The following SCGB1D2 variants were observed in gnomAD, a reference collection of about 807,000 sequenced individuals.
SCGB1D2 encodes the protein lipophilin-B.
Under a neutral mutation model 10.5 loss-of-function variants are expected in SCGB1D2, and 10 were observed. That is an observed-to-expected ratio of 0.95 (90% CI 0.59 to 1.61). The LOEUF (loss-of-function observed/expected upper bound fraction) is 1.61, where lower values mean the gene tolerates loss of function less well. SCGB1D2 is among the 40% of genes most tolerant of loss of function. The pLI, the probability that SCGB1D2 is intolerant of heterozygous loss-of-function variation, is 0.00. For synonymous variants in SCGB1D2, 42 were observed against 42.8 expected (o/e 0.98, Z 0.08); for missense variants, 113 against 103.8 (o/e 1.09, Z -0.38).
rs189227523 is a variant in SCGB1D2, at chr11:62,243,335, C to T, written c.102C>T (p.Phe34=). Residue 34 remains phenylalanine, a synonymous_variant, in exon 2 of 3, where the codon TTC becomes TTT. Coordinates refer to ENST00000244926, the MANE Select transcript of SCGB1D2 (RefSeq NM_006551.4). The part of the protein sequence containing the change: ...CPALVSELLD[F]FFISEPLFKL... ...CTCTTGTTTCTGAGCTGTTAGACTT[C>T]TTCTTCATTAGTGAACCTCTGTTCA... 6.2e-7 allele frequency: 1 copy of T among 1,614,016 alleles called. No individual in the cohort carries two copies. Among genetic ancestry groups the T allele is most frequent in the Admixed American group, 1.7e-5 (1 of 60,024 alleles).
At chr11:62,242,383 T>G (rs1189423146) in intron 1 of SCGB1D2, 21 bp downstream of exon 1, 1 of 1,613,208 alleles carries the variant, frequency 6.2e-7, no homozygotes, top group African/African-American at 1.3e-5. Context: ...CAGTCATGAG[T>G]CTAGCTCCAG....
At position 62,243,358 on chromosome 11, in the gene SCGB1D2, T is replaced by G. The variant is rs1945079756; in HGVS notation, c.125T>G (p.Phe42Cys). ...LDFFFISEPL[F>C]KLSLAKFDAP... ...TTCTTCTTCATTAGTGAACCTCTGT[T>G]CAAGTTAAGTCTTGCCAAATTTGAT... is the stretch of plus-strand genomic sequence containing the variant. Residue 42 changes from phenylalanine to cysteine, a missense_variant, in exon 2 of 3, where the codon TTC becomes TGC. Phe to Cys is a radical substitution (Grantham distance 205). Coordinates refer to ENST00000244926, the MANE Select transcript of SCGB1D2 (RefSeq NM_006551.4). 1 of 1,614,086 alleles carries G rather than the reference T, an allele frequency of 6.2e-7. No individual in the cohort carries two copies. The highest frequency in any genetic ancestry group is 8.5e-7 in the Non-Finnish European group (1 of 1,179,916).
rs1179234994 is a variant in SCGB1D2 at position 62,243,494 on chromosome 11, TA to T, written c.243+19del. Reference sequence around the variant, plus strand: ...AAGTCCTGGTAACTTCTTTCTCCTTTATTTGTTAAGGCTTCTGGTCAGCTGC... The same window carrying T: ...AAGTCCTGGTAACTTCTTTCTCCTTTTTTGTTAAGGCTTCTGGTCAGCTGC... On this transcript the variant is annotated intron_variant, in intron 2 of 2. Coordinates refer to ENST00000244926, the MANE Select transcript of SCGB1D2 (RefSeq NM_006551.4). 6.2e-7 allele frequency: 1 copy of T among 1,601,516 alleles called. No homozygotes were observed. Among genetic ancestry groups the T allele is most frequent in the African/African-American group, 1.3e-5 (1 of 74,612 alleles).
chr11:62,243,319 C>CT lies in SCGB1D2; in HGVS notation c.87dup (p.Glu30Ter). The CT allele has an allele frequency of 6.2e-7, 1 of 1,613,874 alleles. No individual in the cohort carries two copies. Among genetic ancestry groups the CT allele is most frequent in the Non-Finnish European group, 8.5e-7 (1 of 1,179,830 alleles). On this transcript the variant is annotated frameshift_variant, in exon 2 of 3. Transcript: ENST00000244926. LOFTEE classifies it high-confidence loss of function. ...GCCGAGTTCTGCCCAGCTCTTGTTT[C>CT]TGAGCTGTTAGACTTCTTCTTCATT...
chr11:62,243,466 C>T lies in SCGB1D2; in HGVS notation c.233C>T (p.Ala78Val), dbSNP rs373290916. 6.9e-5 allele frequency: 112 copies of T among 1,612,368 alleles called. No homozygotes were observed. Among genetic ancestry groups the T allele is most frequent in the South Asian group, 5.3e-4 (48 of 90,758 alleles). Reference sequence around the variant, plus strand: ...TCCCTTCAGAAACGAAGCCTCATTGCGGAAGTCCTGGTAACTTCTTTCTCC... The same window carrying T: ...TCCCTTCAGAAACGAAGCCTCATTGTGGAAGTCCTGGTAACTTCTTTCTCC... ...QMSLQKRSLI[A>V]EVLVKILKKC... The change falls in exon 2 of 3, where the codon GCG becomes GTG. Residue 78 changes from alanine (A) to valine (V), a missense_variant. Transcript: ENST00000244926.
chr11:62,244,449 T>C (rs1040117106), intron 2 of SCGB1D2, among the ~76,000 whole-genome samples: 1 of 152,138 alleles, frequency 6.6e-6, no homozygotes, highest in Non-Finnish European at 1.5e-5. Context: ...CATTCCCGGA[T>C]CACCCCAGGG....
chr11:62,244,634 A>G, intron 2 of SCGB1D2, 36 bp from the exon 3 acceptor site: 1 of 1,604,554 alleles, frequency 6.2e-7, no homozygotes, highest in Non-Finnish European at 8.5e-7. Context: ...CAGCAGCATG[A>G]CTGACCCCAC....
rs1945095344 is a variant in SCGB1D2 at position 62,244,770 on chromosome 11, G to T, written c.*71G>T. The T allele has an allele frequency of 1.3e-5, 17 of 1,293,210 alleles. No homozygotes were observed. The highest frequency in any genetic ancestry group is 1.1e-4 in the South Asian group (9 of 81,480). 80.1% of individuals were successfully genotyped at this position (1,293,210 alleles called of 1,614,324 possible). A position where few individuals can be genotyped will look rare whatever the true frequency, so the allele number is the denominator to read the frequency against. On this transcript the variant is annotated 3_prime_UTR_variant, in exon 3 of 3. Coordinates refer to ENST00000244926, the MANE Select transcript of SCGB1D2 (RefSeq NM_006551.4). ...CCTGATCTTCACTGCAGAATGTAAA[G>T]GTTTCAACGTCTTGCTTTAATAAAT...
Position 62,242,320 on chromosome 11 carries a change from G to C in SCGB1D2, c.13G>C (p.Val5Leu). Reference sequence around the variant, plus strand: ...AAAACAAGCCACCATGAAGCTGTCGGTGTGTCTCCTGCTGGTCACGCTGGC... The same window carrying C: ...AAAACAAGCCACCATGAAGCTGTCGCTGTGTCTCCTGCTGGTCACGCTGGC... Reference protein sequence around the residue: MKLSVCLLLVTLALC... With the variant: MKLSLCLLLVTLALC... The change falls in exon 1 of 3, where the codon GTG becomes CTG. Residue 5 changes from valine (V) to leucine (L), a missense_variant. Transcript: ENST00000244926. 3.1e-6 allele frequency: 5 copies of C among 1,614,126 alleles called. No homozygotes were observed. The highest frequency in any genetic ancestry group is 4.2e-6 in the Non-Finnish European group (5 of 1,179,998).
In SCGB1D2 at chr11:62,242,327, T is replaced by C. The variant is rs759156393; in HGVS notation, c.20T>C (p.Leu7Pro). ...GCCACCATGAAGCTGTCGGTGTGTC[T>C]CCTGCTGGTCACGCTGGCCCTCTGC... Reference protein sequence around the residue: MKLSVCLLLVTLALCCY... With the variant: MKLSVCPLLVTLALCCY... Residue 7 changes from leucine to proline, a missense_variant, in exon 1 of 3, where the codon CTC becomes CCC. Coordinates refer to ENST00000244926, the MANE Select transcript of SCGB1D2 (RefSeq NM_006551.4). 3.1e-6 allele frequency: 5 copies of C among 1,614,082 alleles called. No individual in the cohort carries two copies. Among genetic ancestry groups the C allele is most frequent in the Non-Finnish European group, 3.4e-6 (4 of 1,179,980 alleles).
chr11:62,242,271 G>A lies in SCGB1D2; in HGVS notation c.-37G>A. On this transcript the variant is annotated 5_prime_UTR_variant, in exon 1 of 3. Coordinates refer to ENST00000244926, the MANE Select transcript of SCGB1D2 (RefSeq NM_006551.4). The stretch of plus-strand genomic sequence containing the variant: ...TGGGGTGGAGTCCAAATCACTCATT[G>A]TTTGTGAAAGCTGAGCTCACAGCAA... 6.2e-7 allele frequency: 1 copy of A among 1,612,650 alleles called. No homozygotes were observed. Among genetic ancestry groups the A allele is most frequent in the Non-Finnish European group, 8.5e-7 (1 of 1,178,850 alleles).
chr11:62,243,393 G>C lies in SCGB1D2; in HGVS notation c.160G>C (p.Glu54Gln). The C allele has an allele frequency of 6.2e-7, 1 of 1,614,102 alleles. No homozygotes were observed. Among genetic ancestry groups the C allele is most frequent in the Non-Finnish European group, 8.5e-7 (1 of 1,179,978 alleles). Residue 54 changes from glutamate to glutamine, a missense_variant, in exon 2 of 3, where the codon GAA (glutamate) becomes CAA (glutamine). By Grantham distance (29) the Glu-to-Gln change is conservative. Transcript: ENST00000244926. ...TCTTGCCAAATTTGATGCCCCTCCG[G>C]AAGCTGTTGCAGCCAAGTTAGGAGT... ...LSLAKFDAPP[E>Q]AVAAKLGVKR...
chr11:62,243,564 G>C, intron 2 of SCGB1D2, 88 bp downstream of exon 2: 3 of 1,169,490 alleles, frequency 2.6e-6, no homozygotes, highest in Non-Finnish European at 3.6e-6. Context: ...TGGGGACACA[G>C]GTGGTGGGGC....
intron 1 of SCGB1D2, 146 bp downstream of exon 1, chr11:62,242,508 C>G: frequency 1.4e-6 from 1 of 725,742 alleles, no homozygotes. Context: ...AGCCCCTCAT[C>G]AAGTTCAGAG....
At chr11:62,243,577 C>G in intron 2 of SCGB1D2, 101 bp downstream of exon 2, 1 of 1,023,862 alleles carries the variant, frequency 9.8e-7, no homozygotes, top group Non-Finnish European at 1.4e-6. Flanking sequence ...GGTGGGGCAG[C>G]TGCCTTGCTG....
chr11:62,244,475 G>C (rs1945092340), intron 2 of SCGB1D2, among the ~76,000 whole-genome samples, 195 bp from the exon 3 acceptor site: 1 of 152,124 alleles, frequency 6.6e-6, no homozygotes, highest in Non-Finnish European at 1.5e-5. Context: ...GGCCTGGCAA[G>C]AAAAGGCTGC....
At chr11:62,242,837 T>C (rs1391002833) in intron 1 of SCGB1D2, among the ~76,000 whole-genome samples, 1 of 152,212 alleles carries the variant, frequency 6.6e-6, no homozygotes, top group Non-Finnish European at 1.5e-5. Flanking sequence ...CCTGTAATCC[T>C]AGCACTTTGG....
chr11:62,243,662 C>T (rs1319726134), intron 2 of SCGB1D2, among the ~76,000 whole-genome samples, 186 bp downstream of exon 2: 1 of 152,180 alleles, frequency 6.6e-6, no homozygotes, highest in African/African-American at 2.4e-5. Context: ...AACTCAGCTG[C>T]ACACAGCCTC....
At position 62,244,748 on chromosome 11, in the gene SCGB1D2, G is replaced by A. The variant is rs751277443; in HGVS notation, c.*49G>A. On this transcript the variant is annotated 3_prime_UTR_variant, in exon 3 of 3. Coordinates refer to ENST00000244926, the MANE Select transcript of SCGB1D2 (RefSeq NM_006551.4). ...TTCCACTGTCTTTCAATGACACCCT[G>A]ATCTTCACTGCAGAATGTAAAGGTT... 3 of 1,459,952 alleles carry A rather than the reference G, an allele frequency of 2.1e-6. No homozygotes were observed. The highest frequency in any genetic ancestry group is 1.7e-5 in the Admixed American group (1 of 59,324). 90.4% of individuals were successfully genotyped at this position (1,459,952 alleles called of 1,614,324 possible). A position where few individuals can be genotyped will look rare whatever the true frequency, so the allele number is the denominator to read the frequency against.
Sources: allele counts gnomAD v4.1 joint callset (sites outside exome capture counted in the v4.1 genomes callset), GRCh38; gene constraint gnomAD v4.1.1; transcripts MANE v1.5; gene names NCBI Gene and HGNC (gene_info 2026-07-23, HGNC 2026-07-21).